SENP1: variants seen among roughly 807,000 people sequenced by gnomAD.
The protein encoded by SENP1 is sentrin-specific protease 1.
In SENP1, 21 loss-of-function variants were observed where a neutral mutation model predicts 93.0. That is an observed-to-expected ratio of 0.23 (90% CI 0.16 to 0.33). The LOEUF (loss-of-function observed/expected upper bound fraction) is 0.33, where lower values mean the gene tolerates loss of function less well. Among genes scored for constraint, SENP1 ranks in the 10% least tolerant of loss-of-function variants. The probability of loss-of-function intolerance (pLI) is 1.00; values close to 1 mark genes in which losing one functional copy is unlikely to be tolerated. For synonymous variants in SENP1, 256 were observed against 259.6 expected, an observed-to-expected ratio of 0.99 and a Z score of 0.13; for missense variants, 591 against 758.7, an observed-to-expected ratio of 0.78 and a Z score of 2.60.
chr12:48,080,021 A>T (rs187434367), intron 6 of SENP1: 2 of 152,252 alleles, frequency 1.3e-5, no homozygotes, highest in Non-Finnish European at 2.9e-5. Context: ...AATAATTTGC[A>T]AAGAAGCGTG....
At chr12:48,067,999 T>A (rs1226660786) in intron 9 of SENP1, among the ~76,000 whole-genome samples, 1 of 152,148 alleles carries the variant, frequency 6.6e-6, no homozygotes, top group Non-Finnish European at 1.5e-5. Context: ...TAGCTGGGAT[T>A]ACAGGCACCC....
In SENP1 at chr12:48,070,885, A is replaced by T. The variant is rs141070976; in HGVS notation, c.995+782T>A. Among the ~76,000 whole-genome samples the T allele has an allele frequency of 1.7e-3, 259 of 152,216 alleles. 1 individual carries two copies. Among genetic ancestry groups the T allele is most frequent in the African/African-American group, 6.1e-3 (252 of 41,522 alleles). On this transcript the variant is annotated intron_variant, in intron 9 of 17. Transcript: ENST00000549518. ...GTTAGGAGGATCGCTTGAGGCTAGG[A>T]GTACAAAACCAGCCTGGTCAACATA...
At chr12:48,063,556 A>C (rs3742075) in intron 13 of SENP1, 154 bp downstream of exon 13, 96,273 of 615,762 alleles carry the variant, frequency 0.16, 8,761 homozygotes, top group African/African-American at 0.32. Context: ...TCTCCACCAC[A>C]CTCCCTCATA....
chr12:48,075,617 A>C (rs1017984879), intron 6 of SENP1, among the ~76,000 whole-genome samples: 12 of 152,216 alleles, frequency 7.9e-5, no homozygotes, highest in African/African-American at 2.9e-4. Flanking sequence ...CCAATACTAC[A>C]TTTAGTGAAA....
At position 48,086,739 on chromosome 12, in the gene SENP1, T is replaced by TA. The variant is rs1347116069; in HGVS notation, c.380+2061dup. ...CATTATACAGAAAAGTCATGTCATT[T>TA]AAAAAAAGGAGGCTGAGGCTGGGCA... On this transcript the variant is annotated intron_variant, in intron 5 of 17. Coordinates refer to ENST00000549518, the MANE Select transcript of SENP1 (RefSeq NM_001267594.2). Among the ~76,000 whole-genome samples, 3 of 152,026 alleles carry TA rather than the reference T, an allele frequency of 2.0e-5. No homozygotes were observed. In the East Asian group the frequency reaches 5.8e-4, roughly 29 times the overall value.
In SENP1 at chr12:48,098,000, G is replaced by T. The variant is rs1288607482; in HGVS notation, c.129C>A (p.Asp43Glu). 7 of 1,613,410 alleles carry T rather than the reference G, an allele frequency of 4.3e-6. No homozygotes were observed. The highest frequency in any genetic ancestry group is 5.9e-6 in the Non-Finnish European group (7 of 1,179,598). The change falls in exon 3 of 18, where the codon GAC (aspartate) becomes GAA (glutamate). Residue 43 changes from aspartate (D) to glutamate (E), a missense_variant. By Grantham distance (45) the Asp-to-Glu change is conservative (BLOSUM62 2). Transcript: ENST00000549518. ...GAAGAAAATTGCTCCTAACCTGCTGGTCAGAAAGCGAAAGCTGGTCCTCTG... is the reference window on the plus strand; with the variant it reads ...GAAGAAAATTGCTCCTAACCTGCTGTTCAGAAAGCGAAAGCTGGTCCTCTG... ...GFPEDQLSLS[D>E]QQILSSRQGH...
intron 17 of SENP1, 84 bp from the exon 18 acceptor site, chr12:48,045,468 A>G: frequency 8.8e-7 from 1 of 1,133,092 alleles, no homozygotes; most frequent in Non-Finnish European, 1.3e-6. Flanking sequence ...TTCTTTTGCA[A>G]GGTTTTCAAC....
intron 6 of SENP1, among the ~76,000 whole-genome samples, chr12:48,076,625 CCCAATATGTAGTTTTTGCT>C (rs1204744662): frequency 1.5e-3 from 222 of 151,286 alleles, no homozygotes; most frequent in African/African-American, 5.3e-3. Context: ...AGCCACAGCA[CCCAATATGTAGTTTTTGCT>C]TTTTTTTTTT....
chr12:48,082,128 A>G (rs1048946705), intron 6 of SENP1, among the ~76,000 whole-genome samples: 1 of 151,568 alleles, frequency 6.6e-6, no homozygotes, highest in Non-Finnish European at 1.5e-5. Context: ...TGACCTCGTG[A>G]TCCGCCCGTC....
intron 5 of SENP1, among the ~76,000 whole-genome samples, chr12:48,084,574 G>A (rs1236247344): frequency 2.0e-5 from 3 of 148,340 alleles, no homozygotes; most frequent in Non-Finnish European, 3.0e-5. Context: ...TCAGCCTCCC[G>A]AATAGCTGGG....
intron 1 of SENP1, 178 bp downstream of exon 1, chr12:48,105,850 G>A: frequency 3.3e-6 from 2 of 601,116 alleles, no homozygotes; most frequent in South Asian, 2.0e-5. Flanking sequence ...GCGGCCACCG[G>A]ACAGCAGGGG....
intron 4 of SENP1, among the ~76,000 whole-genome samples, chr12:48,090,990 T>C (rs1565800064): frequency 6.6e-6 from 1 of 152,146 alleles, no homozygotes; most frequent in South Asian, 2.1e-4. Flanking sequence ...AAAGATTACC[T>C]ATTATGTGTA....
chr12:48,087,176 A>T (rs1191919485), intron 5 of SENP1, among the ~76,000 whole-genome samples: 2 of 152,254 alleles, frequency 1.3e-5, no homozygotes, highest in East Asian at 3.8e-4. Context: ...AACTGAGAAA[A>T]TTTAAATATG....
chr12:48,083,750 G>A lies in SENP1; in HGVS notation c.393C>T (p.Asn131=). 3 of 1,602,068 alleles carry A rather than the reference G, an allele frequency of 1.9e-6. No individual in the cohort carries two copies. The highest frequency in any genetic ancestry group is 2.6e-6 in the Non-Finnish European group (3 of 1,175,872). Residue 131 remains asparagine (N), a synonymous_variant, in exon 6 of 18, where the codon AAC becomes AAT. Coordinates refer to ENST00000549518, the MANE Select transcript of SENP1 (RefSeq NM_001267594.2). The part of the protein sequence containing the change: ...ETRKTSSGLS[N]SFAGKSNHHC... ...GATGGTTTGACTTTCCCGCAAAACT[G>A]TTTGATAATCCACTAAAAAAAGAGT...
intron 6 of SENP1, among the ~76,000 whole-genome samples, chr12:48,077,989 C>T (rs1944217365): frequency 6.6e-6 from 1 of 151,896 alleles, no homozygotes; most frequent in African/African-American, 2.4e-5. Context: ...ATAGGGATTG[C>T]ACTGAATCTG....
At position 48,079,616 on chromosome 12, in the gene SENP1, G is replaced by A. The variant is rs185393878; in HGVS notation, c.552+3975C>T. Among the ~76,000 whole-genome samples, 390 of 152,242 alleles carry A rather than the reference G, an allele frequency of 2.6e-3. 1 individual carries two copies. The highest frequency in any genetic ancestry group is 8.1e-3 in the East Asian group (42 of 5,190). ...AAAACCTGAAAAAACCCTAAGACGA[G>A]TGTTTTGAAGTATAAAAATAATTAA... On this transcript the variant is annotated intron_variant, in intron 6 of 17. Coordinates refer to ENST00000549518, the MANE Select transcript of SENP1 (RefSeq NM_001267594.2).
chr12:48,066,909 A>G lies in SENP1; in HGVS notation c.1034+18T>C. On this transcript the variant is annotated intron_variant, in intron 10 of 17. Coordinates refer to ENST00000549518, the MANE Select transcript of SENP1 (RefSeq NM_001267594.2). ...ATGAACTGATTGAGAAGGAAAAATG[A>G]TACCAAAAATAACTTACAATTCTTT... The G allele has an allele frequency of 6.5e-7, 1 of 1,536,470 alleles. No individual in the cohort carries two copies. Among genetic ancestry groups the G allele is most frequent in the Non-Finnish European group, 8.8e-7 (1 of 1,130,418 alleles).
chr12:48,082,331 T>G (rs1944547819), intron 6 of SENP1, among the ~76,000 whole-genome samples: 1 of 152,216 alleles, frequency 6.6e-6, no homozygotes, highest in South Asian at 2.1e-4. Context: ...GACTCCATGC[T>G]CAGTAAGCTT....
chr12:48,073,489 T>C (rs1215244840), intron 8 of SENP1, among the ~76,000 whole-genome samples: 3 of 152,034 alleles, frequency 2.0e-5, no homozygotes, highest in Non-Finnish European at 2.9e-5. Flanking sequence ...AAAAAATCCC[T>C]GATGTTTAAC....
Sources: allele counts gnomAD v4.1 joint callset (sites outside exome capture counted in the v4.1 genomes callset), GRCh38; gene constraint gnomAD v4.1.1; transcripts MANE v1.5; gene names NCBI Gene and HGNC (gene_info 2026-07-23, HGNC 2026-07-21).